Variants in ELAVL2 observed in about 807,000 individuals in gnomAD.
ELAVL2 encodes ELAV-like protein 2.
A neutral mutation model predicts 34.6 loss-of-function variants in ELAVL2; 4 were observed. That is an observed-to-expected ratio of 0.12 (90% CI 0.06 to 0.26). ELAVL2 has a LOEUF of 0.26. ELAVL2 is among the 10% of genes least tolerant of loss of function. The pLI, the probability that ELAVL2 is intolerant of heterozygous loss-of-function variation, is 1.00. For missense variants in ELAVL2, 432 were observed against 442.8 expected (o/e 0.98, Z 0.22); for synonymous variants, 193 against 154.8 (o/e 1.25, Z -1.83).
intron 5 of ELAVL2, among the ~76,000 whole-genome samples, chr9:23,694,184 A>C (rs1424589744): frequency 6.6e-6 from 1 of 152,130 alleles, no homozygotes; most frequent in African/African-American, 2.4e-5. Context: ...TGCTGTATTC[A>C]AATTACGCTA....
At chr9:23,730,072 G>A (rs748733665) in intron 3 of ELAVL2, among the ~76,000 whole-genome samples, 3 of 152,036 alleles carry the variant, frequency 2.0e-5, no homozygotes, top group Non-Finnish European at 4.4e-5. Context: ...AAAATATTTG[G>A]GAGCCACATC....
At chr9:23,697,324 G>A (rs1338296548) in intron 5 of ELAVL2, among the ~76,000 whole-genome samples, 1 of 152,144 alleles carries the variant, frequency 6.6e-6, no homozygotes, top group Non-Finnish European at 1.5e-5. Flanking sequence ...TATAAGGTTA[G>A]ACACAAGATA....
intron 3 of ELAVL2, among the ~76,000 whole-genome samples, chr9:23,716,553 C>T (rs942302239): frequency 5.9e-5 from 9 of 152,072 alleles, no homozygotes; most frequent in Admixed American, 2.6e-4. Context: ...CGTCTTTGAG[C>T]ACACAGAGCA....
At chr9:23,736,996 C>T (rs968375615) in intron 2 of ELAVL2, among the ~76,000 whole-genome samples, 5 of 152,148 alleles carry the variant, frequency 3.3e-5, no homozygotes, top group African/African-American at 9.7e-5. Context: ...GAAGTCATTT[C>T]CTGCCACAAC....
chr9:23,774,865 G>T (rs2057944308), intron 1 of ELAVL2, among the ~76,000 whole-genome samples: 1 of 151,852 alleles, frequency 6.6e-6, no homozygotes, highest in African/African-American at 2.4e-5. Context: ...TTATACCCTA[G>T]AATCTAGATT....
chr9:23,737,867 A>G lies in ELAVL2; in HGVS notation c.230-6742T>C, dbSNP rs960049686. On this transcript the variant is annotated intron_variant, in intron 2 of 6. Transcript: ENST00000397312. ...GCAATACTTTTAAAAAGCAAAATGGAAAGATTCGCTTCCTCCAAACACAGC... is the reference window on the plus strand; with the variant it reads ...GCAATACTTTTAAAAAGCAAAATGGGAAGATTCGCTTCCTCCAAACACAGC... Among the ~76,000 whole-genome samples, 5 of 152,338 alleles carry G rather than the reference A, an allele frequency of 3.3e-5. No individual in the cohort carries two copies. In the South Asian group the frequency reaches 1.0e-3, roughly 32 times the overall value.
At chr9:23,699,208 C>T (rs1042809433) in intron 5 of ELAVL2, among the ~76,000 whole-genome samples, 1 of 152,096 alleles carries the variant, frequency 6.6e-6, no homozygotes, top group Non-Finnish European at 1.5e-5. Flanking sequence ...AAATAAAAAG[C>T]ACAGAGCCTG....
intron 1 of ELAVL2, among the ~76,000 whole-genome samples, chr9:23,777,832 T>C (rs2058463471): frequency 1.3e-5 from 2 of 152,196 alleles, no homozygotes; most frequent in African/African-American, 2.4e-5. Flanking sequence ...ATACTTTTAC[T>C]TGCCAAGAAT....
chr9:23,761,326 TC>T (rs1268422260), intron 2 of ELAVL2, among the ~76,000 whole-genome samples: 2 of 152,006 alleles, frequency 1.3e-5, no homozygotes, highest in East Asian at 3.9e-4. Flanking sequence ...AACCCTTCTA[TC>T]CCAAGAACGT....
intron 3 of ELAVL2, among the ~76,000 whole-genome samples, chr9:23,711,787 T>C (rs915028125): frequency 1.3e-5 from 2 of 152,288 alleles, no homozygotes; most frequent in African/African-American, 4.8e-5. Context: ...ATAAGAAACC[T>C]TGTCATCATC....
chr9:23,719,207 T>C (rs2043053099), intron 3 of ELAVL2, among the ~76,000 whole-genome samples: 1 of 152,214 alleles, frequency 6.6e-6, no homozygotes, highest in South Asian at 2.1e-4. Flanking sequence ...TTACACTGAA[T>C]GATTTGGTAC....
intron 3 of ELAVL2, among the ~76,000 whole-genome samples, chr9:23,711,350 G>T (rs1006898438): frequency 2.8e-4 from 42 of 152,254 alleles, no homozygotes; most frequent in African/African-American, 9.6e-4. Context: ...TAATTCAAGT[G>T]AGAAGTTCAG....
Position 23,769,982 on chromosome 9 carries a change from G to A in ELAVL2, c.-15-7733C>T, listed in dbSNP as rs558479117. ...AGTCCATTACAGGTATCCAGTTTGAGCAATGGGAAAGTAAAGATCTGGCGA... is the reference window on the plus strand; with the variant it reads ...AGTCCATTACAGGTATCCAGTTTGAACAATGGGAAAGTAAAGATCTGGCGA... On this transcript the variant is annotated intron_variant, in intron 1 of 6. Coordinates refer to ENST00000397312, the MANE Select transcript of ELAVL2 (RefSeq NM_004432.5). Among the ~76,000 whole-genome samples, 8 of 152,252 alleles carry A rather than the reference G, an allele frequency of 5.3e-5. No homozygotes were observed. In the South Asian group the frequency reaches 1.7e-3, roughly 32 times the overall value.
chr9:23,800,497 C>A (rs2061452533), intron 1 of ELAVL2, among the ~76,000 whole-genome samples: 1 of 152,142 alleles, frequency 6.6e-6, no homozygotes, highest in Non-Finnish European at 1.5e-5. Context: ...CCAGCCTAGC[C>A]CCCTTCCCTC....
chr9:23,776,333 G>A (rs2058185284), intron 1 of ELAVL2, among the ~76,000 whole-genome samples: 1 of 152,076 alleles, frequency 6.6e-6, no homozygotes, highest in South Asian at 2.1e-4. Context: ...TAAACCTCAG[G>A]GAGGAACCAG....
At chr9:23,827,214 A>G (rs2065347209), upstream of ELAVL2, among the ~76,000 whole-genome samples, 1 of 152,244 alleles carries the variant, frequency 6.6e-6, no homozygotes, top group Non-Finnish European at 1.5e-5. Flanking sequence ...CAGCAAAGAT[A>G]GTTGAACCTT....
chr9:23,835,697 C>A, the ELAVL2 span, among the ~76,000 whole-genome samples: 1 of 152,030 alleles, frequency 6.6e-6, no homozygotes, highest in Admixed American at 6.6e-5. Flanking sequence ...TTGCAGTTCC[C>A]TCCTGGGCTT....
chr9:23,726,150 C>T (rs1032904957), intron 3 of ELAVL2, among the ~76,000 whole-genome samples: 4 of 151,700 alleles, frequency 2.6e-5, no homozygotes, highest in Admixed American at 2.6e-4. Context: ...ATAAATTTAA[C>T]AAAAAGTTAA....
intron 1 of ELAVL2, among the ~76,000 whole-genome samples, chr9:23,781,044 T>A (rs1313033442): frequency 6.6e-6 from 1 of 152,226 alleles, no homozygotes; most frequent in African/African-American, 2.4e-5. Flanking sequence ...TTAATGATTC[T>A]GTGACCCTCA....
Sources: gnomAD v4.1 joint callset for allele counts (sites outside exome capture counted in the v4.1 genomes callset) on GRCh38, gnomAD v4.1.1 for gene constraint, MANE v1.5 for transcripts, NCBI Gene and HGNC (gene_info 2026-07-23, HGNC 2026-07-21) for gene names.